CAMK2D: variants seen among roughly 807,000 people sequenced by gnomAD.
CAMK2D encodes calcium/calmodulin dependent protein kinase II delta, also known as calcium/calmodulin-dependent protein kinase type II subunit delta.
Under a neutral mutation model 84.0 loss-of-function variants are expected in CAMK2D, and 37 were observed. The ratio of observed to expected loss-of-function variants is 0.44; its 90% CI spans 0.34 to 0.58. CAMK2D has a LOEUF of 0.58. Ranked by LOEUF, CAMK2D falls within the 20% of genes least tolerant of loss-of-function variation. The pLI is 0.02. For missense variants in CAMK2D, 448 were observed against 652.5 expected (o/e 0.69, Z 3.41); for synonymous variants, 202 against 212.5 (o/e 0.95, Z 0.43).
chr4:113,751,788 AT>A (rs201020209), intron 2 of CAMK2D, among the ~76,000 whole-genome samples: 2 of 152,162 alleles, frequency 1.3e-5, no homozygotes, highest in Non-Finnish European at 2.9e-5. Flanking sequence ...TAAATAAATA[AT>A]TTTAAAAAAA....
At chr4:113,526,577 A>C (rs923562646) in intron 8 of CAMK2D, among the ~76,000 whole-genome samples, 31 of 152,192 alleles carry the variant, frequency 2.0e-4, no homozygotes, top group African/African-American at 7.5e-4. Flanking sequence ...CAGACAAGAA[A>C]GTTAGAGCTT....
chr4:113,709,961 T>C (rs547228422), intron 2 of CAMK2D, among the ~76,000 whole-genome samples: 1 of 151,098 alleles, frequency 6.6e-6, no homozygotes, highest in African/African-American at 2.4e-5. Context: ...ACTTCATTTA[T>C]TTCCATGGTT....
At position 113,547,657 on chromosome 4, in the gene CAMK2D, T is replaced by C; in HGVS notation, c.401A>G (p.His134Arg). 6.4e-7 allele frequency: 1 copy of C among 1,567,112 alleles called. No homozygotes were observed. Among genetic ancestry groups the C allele is most frequent in the Non-Finnish European group, 8.6e-7 (1 of 1,162,482 alleles). ...VLHCHQMGVV[H>R]RDLKPENLLL... ...CGCATTACTCACCTTCAGGTCCCGATGGACCACGCCCATCTGATGGCAGTG... is the reference window on the plus strand; with the variant it reads ...CGCATTACTCACCTTCAGGTCCCGACGGACCACGCCCATCTGATGGCAGTG... Residue 134 changes from histidine to arginine, a missense_variant, in exon 6 of 21, where the codon CAT (histidine) becomes CGT (arginine). Physicochemically the swap from His to Arg is conservative, Grantham distance 29. This residue lies in a region of CAMK2D where 60 missense variants were observed against 70.0 expected (regional missense o/e 0.86). Coordinates refer to ENST00000511664, the MANE Select transcript of CAMK2D (RefSeq NM_001321571.2).
At chr4:113,724,215 G>A (rs17046453) in intron 2 of CAMK2D, among the ~76,000 whole-genome samples, 27,083 of 151,744 alleles carry the variant, frequency 0.18, 4,488 homozygotes, top group African/African-American at 0.44. Context: ...TGTGGGCTTC[G>A]ACAACAAAAT....
At chr4:113,555,167 A>T (rs1172070555) in intron 4 of CAMK2D, among the ~76,000 whole-genome samples, 1 of 152,208 alleles carries the variant, frequency 6.6e-6, no homozygotes, top group Non-Finnish European at 1.5e-5. Context: ...GTAAAATTTC[A>T]TCAGTAATAG....
intron 4 of CAMK2D, among the ~76,000 whole-genome samples, chr4:113,587,301 G>T (rs1031706092): frequency 1.3e-5 from 2 of 152,184 alleles, no homozygotes; most frequent in Non-Finnish European, 2.9e-5. Flanking sequence ...TCTTATTAAG[G>T]CCAGACATTC....
At chr4:113,635,216 G>T (rs768176148) in intron 3 of CAMK2D, among the ~76,000 whole-genome samples, 2 of 151,982 alleles carry the variant, frequency 1.3e-5, no homozygotes, top group Non-Finnish European at 2.9e-5. Flanking sequence ...TGGTAAACAG[G>T]GTGTCCAAGT....
intron 3 of CAMK2D, among the ~76,000 whole-genome samples, chr4:113,623,069 A>T (rs1407654460): frequency 6.6e-6 from 1 of 152,176 alleles, no homozygotes; most frequent in Non-Finnish European, 1.5e-5. Context: ...TTACAAAAAA[A>T]GTTTGCCAAC....
intron 4 of CAMK2D, among the ~76,000 whole-genome samples, chr4:113,599,653 A>G (rs569284064): frequency 9.2e-5 from 14 of 152,308 alleles, no homozygotes; most frequent in African/African-American, 3.4e-4. Flanking sequence ...TTAACTACTA[A>G]TAGCCTACTG....
chr4:113,679,482 T>C, intron 2 of CAMK2D: 1 of 958,024 alleles, frequency 1.0e-6, no homozygotes, highest in African/African-American at 1.8e-5. Flanking sequence ...TTCTCCAGTC[T>C]CTGCTTTTTC....
At chr4:113,558,183 C>A (rs2098678193) in intron 4 of CAMK2D, among the ~76,000 whole-genome samples, 1 of 152,206 alleles carries the variant, frequency 6.6e-6, no homozygotes, top group Admixed American at 6.5e-5. Context: ...TGTAGTTAAA[C>A]CACATATACA....
At chr4:113,524,973 C>T (rs2154177345) in intron 8 of CAMK2D, among the ~76,000 whole-genome samples, 1 of 152,216 alleles carries the variant, frequency 6.6e-6, no homozygotes, top group Admixed American at 6.5e-5. Flanking sequence ...CTGTGATTGG[C>T]CAAGTGTAAG....
chr4:113,622,156 C>T (rs939517932), intron 3 of CAMK2D, among the ~76,000 whole-genome samples: 2 of 152,168 alleles, frequency 1.3e-5, no homozygotes, highest in South Asian at 2.1e-4. Flanking sequence ...CCATTACCAA[C>T]AAGGCAGTCA....
At chr4:113,680,529 C>T (rs756494379) in intron 2 of CAMK2D, among the ~76,000 whole-genome samples, 2 of 151,802 alleles carry the variant, frequency 1.3e-5, no homozygotes, top group Non-Finnish European at 2.9e-5. Flanking sequence ...ACAGTTCTTT[C>T]GTAGGACATG....
intron 6 of CAMK2D, 81 bp from the exon 7 acceptor site, chr4:113,537,524 G>A: frequency 1.3e-6 from 1 of 799,854 alleles, no homozygotes; most frequent in South Asian, 1.6e-5. Flanking sequence ...CATTTTACAG[G>A]ATTAGGGGGA....
rs143121696 is a variant in CAMK2D, at chr4:113,499,036, G to A, written c.1135+1427C>T. Among the ~76,000 whole-genome samples, 8 of 152,028 alleles carry A rather than the reference G, an allele frequency of 5.3e-5. 1 individual carries two copies. The South Asian group carries it at 1.7e-3, about 32-fold the overall frequency. On this transcript the variant is annotated intron_variant, in intron 16 of 20. Coordinates refer to ENST00000511664, the MANE Select transcript of CAMK2D (RefSeq NM_001321571.2). Reference sequence around the variant, plus strand: ...ACAAGTTTTCTTAGTCTTGCTCAAGGGAAGAATGTGAAAATTCATATGAAA... The same window carrying A: ...ACAAGTTTTCTTAGTCTTGCTCAAGAGAAGAATGTGAAAATTCATATGAAA...
At chr4:113,711,921 T>A (rs965495382) in intron 2 of CAMK2D, among the ~76,000 whole-genome samples, 1 of 152,146 alleles carries the variant, frequency 6.6e-6, no homozygotes, top group Non-Finnish European at 1.5e-5. Context: ...TTTATTTTCC[T>A]AGGTAAAAAG....
chr4:113,536,415 G>A (rs142654107), intron 7 of CAMK2D, among the ~76,000 whole-genome samples: 297 of 152,266 alleles, frequency 2.0e-3, no homozygotes, highest in African/African-American at 6.6e-3. Flanking sequence ...TGGGAGATGT[G>A]TACATTAGGG....
chr4:113,530,350 GTGTC>G (rs2098449707), intron 8 of CAMK2D, among the ~76,000 whole-genome samples: 1 of 152,154 alleles, frequency 6.6e-6, no homozygotes, highest in Admixed American at 6.5e-5. Context: ...AGTTTGGACT[GTGTC>G]TGACTGCAAC....
Sources: gnomAD v4.1 joint callset for allele counts (sites outside exome capture counted in the v4.1 genomes callset) on GRCh38, gnomAD v4.1.1 for gene constraint, gnomAD v4.1.1 regional missense constraint, MANE v1.5 for transcripts, NCBI Gene and HGNC (gene_info 2026-07-23, HGNC 2026-07-21) for gene names.